Variants in FILIP1 observed in about 807,000 individuals in gnomAD.
The protein encoded by FILIP1 is filamin-A-interacting protein 1.
FILIP1 carries 61 observed loss-of-function variants against 102.1 expected under a neutral mutation model. The observed-to-expected ratio is 0.60, with a 90% CI of 0.49 to 0.74. FILIP1 has a LOEUF of 0.74. Among genes scored for constraint, FILIP1 ranks in the 30% least tolerant of loss-of-function variants. The probability of loss-of-function intolerance (pLI) is 0.00; values close to 1 mark genes in which losing one functional copy is unlikely to be tolerated. For synonymous variants in FILIP1, 491 were observed against 526.9 expected (o/e 0.93, Z 0.93); for missense variants, 1,314 against 1,441.2 (o/e 0.91, Z 1.43).
intron 4 of FILIP1, among the ~76,000 whole-genome samples, chr6:75,331,931 G>C (rs1221246058): frequency 1.3e-5 from 2 of 152,138 alleles, no homozygotes; most frequent in Non-Finnish European, 2.9e-5. Context: ...CTCATGAATG[G>C]GATTACTACC....
chr6:75,465,491 T>G lies in FILIP1; in HGVS notation c.-7+27923A>C, dbSNP rs185419570. 1.5e-5 allele frequency: 15 copies of G among 972,774 alleles called. 1 individual carries two copies. The East Asian group carries it at 2.7e-4, about 18-fold the overall frequency. 60.3% of individuals were successfully genotyped at this position (972,774 alleles called of 1,614,324 possible). A position where few individuals can be genotyped will look rare whatever the true frequency, so the allele number is the denominator to read the frequency against. On this transcript the variant is annotated intron_variant, in intron 1 of 5. Transcript: ENST00000237172. Reference sequence around the variant, plus strand: ...AATTCATATAGCATCAAAGTTGTCCTGCAAGAGCTTCAGTGCCTAATAATG... The same window carrying G: ...AATTCATATAGCATCAAAGTTGTCCGGCAAGAGCTTCAGTGCCTAATAATG...
In FILIP1 at chr6:75,308,708, C is replaced by T. The variant is rs1307275698; in HGVS notation, c.3625G>A (p.Gly1209Arg). ...CACTGCCCTCAGCCCTTCCCCCCTC[C>T]GAGAGAGGTGGTGCTGCTGGCTGCA... The part of the protein sequence containing the change: ...KSAASSTTSL[G>R]GGKG The change falls in exon 6 of 6, where the codon GGA (glycine) becomes AGA (arginine). Residue 1209 changes from glycine to arginine, a missense_variant. Around this residue, in one of 3 missense-constraint regions of FILIP1, gnomAD observed 816 missense variants for 913.1 expected, o/e 0.89. Transcript: ENST00000237172. The T allele has an allele frequency of 6.2e-6, 10 of 1,612,992 alleles. No homozygotes were observed. Among genetic ancestry groups the T allele is most frequent in the African/African-American group, 1.3e-5 (1 of 74,874 alleles).
intron 4 of FILIP1, chr6:75,319,457 G>T (rs1773565473): frequency 1.6e-6 from 1 of 607,846 alleles, no homozygotes; most frequent in Non-Finnish European, 3.2e-6. Context: ...TTCATAATGG[G>T]CCTTGTCCGC....
intron 4 of FILIP1, among the ~76,000 whole-genome samples, chr6:75,346,716 C>G (rs1774598296): frequency 2.6e-5 from 4 of 152,166 alleles, no homozygotes; most frequent in Non-Finnish European, 4.4e-5. Context: ...CCATCTCCCA[C>G]CCACCTTATC....
chr6:75,468,907 G>GA (rs1191329721), intron 1 of FILIP1, among the ~76,000 whole-genome samples: 2 of 151,456 alleles, frequency 1.3e-5, no homozygotes, highest in Admixed American at 6.6e-5. Context: ...AAAGGAGCAA[G>GA]AAAAAAAAGT....
chr6:75,443,518 T>A (rs367707284), intron 1 of FILIP1, among the ~76,000 whole-genome samples: 1 of 152,210 alleles, frequency 6.6e-6, no homozygotes, highest in East Asian at 1.9e-4. Flanking sequence ...CTTTTCTGTG[T>A]CTTATTTGTA....
chr6:75,411,881 A>G (rs915916224), intron 2 of FILIP1, among the ~76,000 whole-genome samples: 2 of 151,920 alleles, frequency 1.3e-5, no homozygotes, highest in Non-Finnish European at 2.9e-5. Context: ...TTTGCTTAGG[A>G]TTGTCTTGGC....
At chr6:75,476,373 G>T (rs1429924878) in intron 1 of FILIP1, among the ~76,000 whole-genome samples, 12 of 152,028 alleles carry the variant, frequency 7.9e-5, no homozygotes, top group Non-Finnish European at 1.5e-5. Context: ...CTGGGAAATT[G>T]CTTCTGTAGT....
chr6:75,352,099 C>T (rs1774829434), intron 4 of FILIP1, among the ~76,000 whole-genome samples: 1 of 152,134 alleles, frequency 6.6e-6, no homozygotes, highest in South Asian at 2.1e-4. Flanking sequence ...TAAACATTAC[C>T]AATAATTTTT....
At chr6:75,334,458 G>A (rs913069115) in intron 4 of FILIP1, among the ~76,000 whole-genome samples, 7 of 152,246 alleles carry the variant, frequency 4.6e-5, no homozygotes, top group South Asian at 2.1e-4. Context: ...AAAGGTTGTC[G>A]AGTTCTTACA....
chr6:75,431,175 G>A (rs1267176988), intron 1 of FILIP1, among the ~76,000 whole-genome samples: 1 of 152,190 alleles, frequency 6.6e-6, no homozygotes, highest in Non-Finnish European at 1.5e-5. Flanking sequence ...GAGGGCAGAG[G>A]AAGGTCAAGG....
intron 1 of FILIP1, among the ~76,000 whole-genome samples, chr6:75,480,156 T>G (rs1779608926): frequency 6.7e-6 from 1 of 148,254 alleles, no homozygotes; most frequent in Admixed American, 6.8e-5. Context: ...CATATTTTAG[T>G]GTAAGTTGTA....
rs549672852 is a variant in FILIP1, at chr6:75,405,006, C to T, written c.276+9691G>A. Among the ~76,000 whole-genome samples the T allele has an allele frequency of 4.7e-4, 71 of 152,232 alleles. 1 individual carries two copies. The highest frequency in any genetic ancestry group is 1.6e-3 in the African/African-American group (65 of 41,524). On this transcript the variant is annotated intron_variant, in intron 2 of 5. Transcript: ENST00000237172. ...CTCTAGCTACTGTCTTCTTTCTATG[C>T]CTTTCTCATTCAAACTTTTCCAAAT...
At chr6:75,479,729 C>T (rs550965630) in intron 1 of FILIP1, among the ~76,000 whole-genome samples, 50 of 151,910 alleles carry the variant, frequency 3.3e-4, no homozygotes, top group African/African-American at 1.1e-3. Context: ...ATTAGCCTGG[C>T]GTGGTGGCAC....
At chr6:75,413,595 T>A (rs975986759) in intron 2 of FILIP1, among the ~76,000 whole-genome samples, 1 of 151,968 alleles carries the variant, frequency 6.6e-6, no homozygotes, top group East Asian at 1.9e-4. Context: ...TAGTTTAGAG[T>A]AGGTTGCCAA....
exon 7 of FILIP1, chr6:75,295,710 TC>T (rs1772649690): frequency 1.0e-5 from 4 of 385,658 alleles, no homozygotes; most frequent in Non-Finnish European, 1.8e-5. Flanking sequence ...ATTGAATTGC[TC>T]TTGCTACATA....
At chr6:75,457,590 AT>A (rs1778880600) in intron 1 of FILIP1, among the ~76,000 whole-genome samples, 1 of 150,722 alleles carries the variant, frequency 6.6e-6, no homozygotes, top group Non-Finnish European at 1.5e-5. Flanking sequence ...CTTTAAAAAA[AT>A]ACCTAATTAT....
At position 75,441,629 on chromosome 6, in the gene FILIP1, T is replaced by A. The variant is rs1193559345; in HGVS notation, c.-6-26651A>T. ...AGGGGGCTGACCCCCCCGACCTCCCTCCCGGACGGGGCGGCTGGCCGGGCG... is the reference window on the plus strand; with the variant it reads ...AGGGGGCTGACCCCCCCGACCTCCCACCCGGACGGGGCGGCTGGCCGGGCG... On this transcript the variant is annotated intron_variant, in intron 1 of 5. Coordinates refer to ENST00000237172, the MANE Select transcript of FILIP1 (RefSeq NM_015687.5). Among the ~76,000 whole-genome samples, 7 of 135,306 alleles carry A rather than the reference T, an allele frequency of 5.2e-5. No individual in the cohort carries two copies. The East Asian group carries it at 1.4e-3, about 27-fold the overall frequency. The allele number at this position is 135,306 out of a possible 152,430, so 88.8% of individuals were successfully genotyped here. A position where few individuals can be genotyped will look rare whatever the true frequency, so the allele number is the denominator to read the frequency against.
At chr6:75,321,335 G>A (rs1168773817) in intron 4 of FILIP1, among the ~76,000 whole-genome samples, 3 of 152,144 alleles carry the variant, frequency 2.0e-5, no homozygotes, top group African/African-American at 7.2e-5. Flanking sequence ...AAGAACAGTG[G>A]TAATTAAGGT....
Sources: allele counts gnomAD v4.1 joint callset (sites outside exome capture counted in the v4.1 genomes callset), GRCh38; gene constraint gnomAD v4.1.1; regional missense constraint gnomAD v4.1.1; transcripts MANE v1.5; gene names NCBI Gene and HGNC (gene_info 2026-07-23, HGNC 2026-07-21).